Variants in LINGO2 observed in about 807,000 individuals in gnomAD.
LINGO2 encodes leucine rich repeat and Ig domain containing 2.
In LINGO2, 14 loss-of-function variants were observed where a neutral mutation model predicts 30.6. The observed-to-expected ratio is 0.46, with a 90% CI of 0.30 to 0.72. LINGO2 has a LOEUF of 0.72. Among genes scored for constraint, LINGO2 ranks in the 30% least tolerant of loss-of-function variants. The pLI, the probability that LINGO2 is intolerant of heterozygous loss-of-function variation, is 0.07. For synonymous variants in LINGO2, 317 were observed against 288.5 expected, an observed-to-expected ratio of 1.10 and a Z score of -1.00; for missense variants, 729 against 751.7, an observed-to-expected ratio of 0.97 and a Z score of 0.35.
the LINGO2 span, among the ~76,000 whole-genome samples, chr9:28,820,172 G>T: frequency 6.6e-6 from 1 of 151,142 alleles, no homozygotes; most frequent in East Asian, 2.0e-4. Flanking sequence ...TTACCAAAAT[G>T]AGTTTTTTCC....
chr9:29,002,266 A>G, the LINGO2 span, among the ~76,000 whole-genome samples: 5,947 of 152,106 alleles, frequency 0.039, 129 homozygotes, highest in South Asian at 0.091. Flanking sequence ...TTGATTATAT[A>G]TCCCAAGAAA....
chr9:28,050,600 ACTATG>A (rs1262718486), intron 4 of LINGO2, among the ~76,000 whole-genome samples: 1 of 150,824 alleles, frequency 6.6e-6, no homozygotes, highest in Non-Finnish European at 1.5e-5. Flanking sequence ...AAAGAACACT[ACTATG>A]CTAATTAGAA....
intron 1 of LINGO2, among the ~76,000 whole-genome samples, chr9:28,622,258 C>A (rs1364882769): frequency 6.6e-6 from 1 of 151,938 alleles, no homozygotes; most frequent in Admixed American, 6.6e-5. Flanking sequence ...TCCTTTCAAA[C>A]TAATTTTTGA....
At chr9:27,984,833 T>C (rs894930487) in intron 5 of LINGO2, among the ~76,000 whole-genome samples, 2 of 151,900 alleles carry the variant, frequency 1.3e-5, no homozygotes, top group Admixed American at 1.3e-4. Context: ...ATTAGTATTA[T>C]CTCCATTTTA....
chr9:28,913,319 T>G, the LINGO2 span, among the ~76,000 whole-genome samples: 346 of 152,240 alleles, frequency 2.3e-3, 4 homozygotes, highest in Middle Eastern at 0.027. Context: ...GAATTTTATA[T>G]TCTAGCAAAT....
chr9:28,411,789 G>C (rs966972838), intron 2 of LINGO2, among the ~76,000 whole-genome samples: 1 of 151,960 alleles, frequency 6.6e-6, no homozygotes, highest in Non-Finnish European at 1.5e-5. Context: ...TACCCAGAAG[G>C]GATATTGCTG....
the LINGO2 span, among the ~76,000 whole-genome samples, chr9:28,836,053 G>A: frequency 6.6e-6 from 1 of 152,130 alleles, no homozygotes; most frequent in African/African-American, 2.4e-5. Context: ...CAGGTATGCT[G>A]GATAAAGAAG....
chr9:28,763,596 TAAAC>T, the LINGO2 span, among the ~76,000 whole-genome samples: 1 of 149,676 alleles, frequency 6.7e-6, no homozygotes, highest in African/African-American at 2.5e-5. Context: ...CAATTTTAAA[TAAAC>T]AACCTACATT....
intron 1 of LINGO2, among the ~76,000 whole-genome samples, chr9:28,618,750 G>T (rs536227130): frequency 6.6e-6 from 1 of 152,018 alleles, no homozygotes; most frequent in Non-Finnish European, 1.5e-5. Context: ...CAGTCTAAAG[G>T]AGACACCAAG....
intron 4 of LINGO2, among the ~76,000 whole-genome samples, chr9:28,040,699 ACATT>A (rs1219798763): frequency 6.6e-6 from 1 of 152,164 alleles, no homozygotes. Context: ...ATCTCAGACA[ACATT>A]CAAAGGAAGC....
At chr9:28,513,289 T>G (rs539105956) in intron 1 of LINGO2, among the ~76,000 whole-genome samples, 5 of 152,338 alleles carry the variant, frequency 3.3e-5, no homozygotes, top group Admixed American at 3.3e-4. Flanking sequence ...CTAACTACTA[T>G]GAGCTAACTG....
chr9:28,483,386 G>A (rs974402565), intron 1 of LINGO2, among the ~76,000 whole-genome samples: 3 of 152,066 alleles, frequency 2.0e-5, no homozygotes, highest in Non-Finnish European at 4.4e-5. Context: ...CACTCAGCAA[G>A]ATATTGGTGT....
chr9:28,581,841 A>G (rs1203597604), intron 1 of LINGO2, among the ~76,000 whole-genome samples: 1 of 151,912 alleles, frequency 6.6e-6, no homozygotes, highest in Non-Finnish European at 1.5e-5. Flanking sequence ...ATTCATATTT[A>G]TTTTAGAAAT....
At chr9:28,650,002 G>A (rs1420730562) in intron 1 of LINGO2, among the ~76,000 whole-genome samples, 1 of 151,762 alleles carries the variant, frequency 6.6e-6, no homozygotes, top group Non-Finnish European at 1.5e-5. Context: ...CCATCGTAGA[G>A]TGGCTGAAGG....
At chr9:28,864,734 A>G in the LINGO2 span, among the ~76,000 whole-genome samples, 2 of 152,240 alleles carry the variant, frequency 1.3e-5, no homozygotes, top group African/African-American at 4.8e-5. Context: ...AACCACACAT[A>G]TAACAACCAA....
intron 3 of LINGO2, among the ~76,000 whole-genome samples, chr9:28,371,006 T>C (rs1420999878): frequency 6.6e-6 from 1 of 152,156 alleles, no homozygotes; most frequent in Non-Finnish European, 1.5e-5. Context: ...AGTATCTACA[T>C]AGAGTGCACG....
intron 4 of LINGO2, among the ~76,000 whole-genome samples, chr9:28,274,658 G>A (rs557036090): frequency 6.6e-6 from 1 of 152,308 alleles, no homozygotes; most frequent in South Asian, 2.1e-4. Context: ...TGATTCATAA[G>A]ATAAAGTGTG....
At chr9:28,343,554 T>C (rs1266970494) in intron 3 of LINGO2, among the ~76,000 whole-genome samples, 1 of 152,204 alleles carries the variant, frequency 6.6e-6, no homozygotes, top group Non-Finnish European at 1.5e-5. Context: ...AAAGTACTCT[T>C]GGGACTGAGA....
chr9:29,199,319 G>A, the LINGO2 span, among the ~76,000 whole-genome samples: 5 of 152,052 alleles, frequency 3.3e-5, no homozygotes, highest in Admixed American at 3.3e-4. Context: ...GTCCTACCAT[G>A]TGTCCAAGAG....
Sources: allele counts gnomAD v4.1 joint callset (sites outside exome capture counted in the v4.1 genomes callset), GRCh38; gene constraint gnomAD v4.1.1; transcripts MANE v1.5; gene names NCBI Gene and HGNC (gene_info 2026-07-23, HGNC 2026-07-21).